CSGALNACT2: variants seen among roughly 807,000 people sequenced by gnomAD.
CSGALNACT2 encodes the protein beta 4 GalNAcT-2.
Under a neutral mutation model 55.3 loss-of-function variants are expected in CSGALNACT2, and 35 were observed. The ratio of observed to expected loss-of-function variants is 0.63; its 90% CI spans 0.48 to 0.84. The LOEUF (loss-of-function observed/expected upper bound fraction) is 0.84. CSGALNACT2 is among the 40% of genes least tolerant of loss of function. The probability of loss-of-function intolerance (pLI) is 0.00; values close to 1 mark genes in which losing one functional copy is unlikely to be tolerated. For synonymous variants in CSGALNACT2, 196 were observed against 224.9 expected, an observed-to-expected ratio of 0.87 and a Z score of 1.15; for missense variants, 544 against 657.5, an observed-to-expected ratio of 0.83 and a Z score of 1.89.
At chr10:43,143,212 A>AT (rs1350137945) in intron 1 of CSGALNACT2, among the ~76,000 whole-genome samples, 1 of 152,234 alleles carries the variant, frequency 6.6e-6, no homozygotes, top group East Asian at 1.9e-4. Flanking sequence ...TGGTAACACC[A>AT]TTTTGTAGGT....
At position 43,183,870 on chromosome 10, in the gene CSGALNACT2, G is replaced by A; in HGVS notation, c.*328G>A. The A allele has an allele frequency of 3.0e-6, 1 of 333,958 alleles. No homozygotes were observed. Among genetic ancestry groups the A allele is most frequent in the East Asian group, 7.1e-5 (1 of 14,098 alleles). The allele number at this position is 333,958 out of a possible 1,614,324, so 20.7% of individuals were successfully genotyped here. On this transcript the variant is annotated 3_prime_UTR_variant, in exon 8 of 8. Coordinates refer to ENST00000374466, the MANE Select transcript of CSGALNACT2 (RefSeq NM_018590.5). ...CATGGTGTCCTGATTGCATCTAGGT[G>A]GAGCGGATGGAATGTGCTGGGCCAC...
At position 43,155,769 on chromosome 10, in the gene CSGALNACT2, T is replaced by C; in HGVS notation, c.620T>C (p.Leu207Pro). 6.2e-7 allele frequency: 1 copy of C among 1,612,220 alleles called. No individual in the cohort carries two copies. Among genetic ancestry groups the C allele is most frequent in the South Asian group, 1.1e-5 (1 of 90,584 alleles). ...GAACAAGAAGATGAGGAGGGTCCCC[T>C]TGGAGAGAAACTGATATTTAATGAA... is the stretch of plus-strand genomic sequence containing the variant. Reference protein sequence around the residue: ...DDEQEDEEGPLGEKLIFNEND... With the variant: ...DDEQEDEEGPPGEKLIFNEND... The change falls in exon 2 of 8, where the codon CTT (leucine) becomes CCT (proline). Residue 207 changes from leucine to proline, a missense_variant. Transcript: ENST00000374466.
intron 6 of CSGALNACT2, among the ~76,000 whole-genome samples, chr10:43,175,377 A>G (rs540840206): frequency 8.9e-4 from 135 of 152,264 alleles, no homozygotes; most frequent in Middle Eastern, 6.8e-3. Flanking sequence ...TTGTTTTCCA[A>G]AGTTCCCAAC....
chr10:43,169,337 A>G (rs1352492107), intron 6 of CSGALNACT2, among the ~76,000 whole-genome samples: 1 of 152,266 alleles, frequency 6.6e-6, no homozygotes, highest in Admixed American at 6.5e-5. Flanking sequence ...AGAGGCACCA[A>G]GTGTTAATAC....
intron 6 of CSGALNACT2, among the ~76,000 whole-genome samples, chr10:43,171,151 C>T (rs1471153137): frequency 6.6e-6 from 1 of 152,040 alleles, no homozygotes; most frequent in Admixed American, 6.5e-5. Flanking sequence ...ACAAATGTAC[C>T]ACAACAATGT....
At chr10:43,176,794 T>C (rs1249791302) in intron 7 of CSGALNACT2, among the ~76,000 whole-genome samples, 1 of 152,204 alleles carries the variant, frequency 6.6e-6, no homozygotes, top group Non-Finnish European at 1.5e-5. Context: ...CTTGAACTCC[T>C]GGGTTCAAGC....
intron 2 of CSGALNACT2, among the ~76,000 whole-genome samples, chr10:43,158,082 C>T (rs1194830123): frequency 6.6e-6 from 1 of 150,432 alleles, no homozygotes; most frequent in Non-Finnish European, 1.5e-5. Flanking sequence ...ATGCTTTTCT[C>T]TCAAAGGCAT....
intron 7 of CSGALNACT2, 139 bp downstream of exon 7, chr10:43,176,171 C>A: frequency 2.8e-5 from 15 of 530,178 alleles, no homozygotes; most frequent in South Asian, 7.8e-5. Context: ...ACTGGATATA[C>A]AAAAGGCAAA....
intron 2 of CSGALNACT2, among the ~76,000 whole-genome samples, chr10:43,157,681 G>A (rs1430446727): frequency 6.6e-6 from 1 of 152,092 alleles, no homozygotes; most frequent in Non-Finnish European, 1.5e-5. Flanking sequence ...TATTTACTGA[G>A]TGACTCACAC....
chr10:43,160,522 A>T lies in CSGALNACT2; in HGVS notation c.907A>T (p.Ile303Phe). 1 of 1,581,088 alleles carries T rather than the reference A, an allele frequency of 6.3e-7. No homozygotes were observed. Among genetic ancestry groups the T allele is most frequent in the Non-Finnish European group, 8.7e-7 (1 of 1,151,782 alleles). The part of the protein sequence containing the change: ...RDVCIHQDKK[I>F]HLTVVYFGKE... ...TGTTTGTATTCATCAAGACAAGAAG[A>T]TTCATCTCACAGTGGTGTATTTTGG... Residue 303 changes from isoleucine to phenylalanine, a missense_variant, in exon 4 of 8, where the codon ATT becomes TTT. Coordinates refer to ENST00000374466, the MANE Select transcript of CSGALNACT2 (RefSeq NM_018590.5).
intron 6 of CSGALNACT2, among the ~76,000 whole-genome samples, chr10:43,168,754 A>G (rs1344004182): frequency 6.6e-6 from 1 of 152,124 alleles, no homozygotes; most frequent in South Asian, 2.1e-4. Flanking sequence ...ATAAATACAA[A>G]TAGGTTCAAA....
chr10:43,162,383 G>T (rs1839169751), intron 4 of CSGALNACT2: 1 of 969,530 alleles, frequency 1.0e-6, no homozygotes, highest in African/African-American at 1.8e-5. Flanking sequence ...TATTGGGACT[G>T]GCCCAGCTTA....
chr10:43,144,555 A>G (rs1391148347), intron 1 of CSGALNACT2, among the ~76,000 whole-genome samples: 2 of 55,994 alleles, frequency 3.6e-5, no homozygotes, highest in Non-Finnish European at 7.0e-5. Flanking sequence ...TCAGTAAACA[A>G]ACTGGAGGGG....
chr10:43,153,746 T>A (rs1241642494), intron 1 of CSGALNACT2, among the ~76,000 whole-genome samples: 3 of 152,182 alleles, frequency 2.0e-5, no homozygotes, highest in Non-Finnish European at 4.4e-5. Context: ...TAAACCTCTA[T>A]TTTTAGAGTT....
chr10:43,172,313 T>A (rs1013002303), intron 6 of CSGALNACT2, among the ~76,000 whole-genome samples: 39 of 146,310 alleles, frequency 2.7e-4, no homozygotes, highest in Non-Finnish European at 5.3e-4. Flanking sequence ...GAGGAAAATG[T>A]AAAGCTAAAA....
In CSGALNACT2 at chr10:43,155,830, G is replaced by A; in HGVS notation, c.661+20G>A. Reference sequence around the variant, plus strand: ...TAGAAGGTAATGTGAAAAATATGTTGGTCAATATTATGTTAGTAAGACAAA... The same window carrying A: ...TAGAAGGTAATGTGAAAAATATGTTAGTCAATATTATGTTAGTAAGACAAA... On this transcript the variant is annotated intron_variant, in intron 2 of 7. Transcript: ENST00000374466. The A allele has an allele frequency of 1.3e-6, 2 of 1,586,458 alleles. No individual in the cohort carries two copies. Among genetic ancestry groups the A allele is most frequent in the South Asian group, 1.1e-5 (1 of 87,230 alleles).
intron 7 of CSGALNACT2, among the ~76,000 whole-genome samples, chr10:43,180,647 T>C (rs377001903): frequency 1.0e-3 from 153 of 152,378 alleles, no homozygotes; most frequent in African/African-American, 3.5e-3. Context: ...TCTTAACTTT[T>C]AGTATACCTT....
chr10:43,147,787 T>G (rs1838791482), intron 1 of CSGALNACT2, among the ~76,000 whole-genome samples: 1 of 150,344 alleles, frequency 6.7e-6, no homozygotes, highest in South Asian at 2.1e-4. Flanking sequence ...GTTATCTTTT[T>G]TTTTTTTTTT....
chr10:43,169,347 C>G (rs1285104434), intron 6 of CSGALNACT2, among the ~76,000 whole-genome samples: 1 of 152,088 alleles, frequency 6.6e-6, no homozygotes, highest in African/African-American at 2.4e-5. Flanking sequence ...AGTGTTAATA[C>G]ACAGAAAAAT....
Sources: allele counts gnomAD v4.1 joint callset (sites outside exome capture counted in the v4.1 genomes callset), GRCh38; gene constraint gnomAD v4.1.1; transcripts MANE v1.5; gene names NCBI Gene and HGNC (gene_info 2026-07-23, HGNC 2026-07-21).